Variants in SMC6 observed in about 807,000 individuals in gnomAD.
SMC6 encodes structural maintenance of chromosomes 6, also known as structural maintenance of chromosomes protein 6.
Under a neutral mutation model 142.2 loss-of-function variants are expected in SMC6, and 79 were observed. That is an observed-to-expected ratio of 0.56 (90% CI 0.46 to 0.67). The LOEUF is 0.67. SMC6 is among the 30% of genes least tolerant of loss of function. SMC6 has a pLI of 0.00. For synonymous variants in SMC6, 411 were observed against 412.4 expected, an observed-to-expected ratio of 1.00 and a Z score of 0.04; for missense variants, 1,072 against 1,284.0, an observed-to-expected ratio of 0.83 and a Z score of 2.52.
Position 17,695,246 on chromosome 2 carries a change from T to C in SMC6, c.2584A>G (p.Lys862Glu). The C allele has an allele frequency of 6.2e-7, 1 of 1,613,668 alleles. No individual in the cohort carries two copies. The highest frequency in any genetic ancestry group is 8.5e-7 in the Non-Finnish European group (1 of 1,179,816). Residue 862 changes from lysine to glutamate, a missense_variant, in exon 23 of 28, where the codon AAA (lysine) becomes GAA (glutamate). Lys to Glu is a moderately conservative substitution (Grantham distance 56). Coordinates refer to ENST00000448223, the MANE Select transcript of SMC6 (RefSeq NM_001142286.2). ...QICPERIEVE[K>E]SASILDKEIN... ...TCTTTGTCCAGAATTGATGCAGATT[T>C]TTCTACTTCTATACGCTCTGGGCAG... is the stretch of plus-strand genomic sequence containing the variant.
intron 23 of SMC6, among the ~76,000 whole-genome samples, chr2:17,689,893 T>C (rs968746888): frequency 3.3e-5 from 5 of 152,244 alleles, no homozygotes; most frequent in African/African-American, 1.2e-4. Context: ...TGTTTTTGAG[T>C]TTTTTCCCCC....
chr2:17,666,354 A>T, intron 27 of SMC6, 66 bp downstream of exon 27: 2 of 1,173,414 alleles, frequency 1.7e-6, no homozygotes, highest in East Asian at 5.1e-5. Flanking sequence ...AAAAATTAAA[A>T]TTGTAAAAGA....
intron 12 of SMC6, 35 bp from the exon 13 acceptor site, chr2:17,717,211 GA>G: frequency 1.3e-6 from 2 of 1,500,798 alleles, no homozygotes; most frequent in Non-Finnish European, 1.8e-6. Flanking sequence ...TTACAAAAAT[GA>G]AAACACAAAT....
At chr2:17,729,956 A>G (rs1287912180) in intron 7 of SMC6, among the ~76,000 whole-genome samples, 1 of 152,112 alleles carries the variant, frequency 6.6e-6, no homozygotes, top group Non-Finnish European at 1.5e-5. Flanking sequence ...TTCTAAACCA[A>G]ACTGGAAAAG....
chr2:17,712,749 T>C (rs1242180425), intron 16 of SMC6, among the ~76,000 whole-genome samples: 1 of 152,238 alleles, frequency 6.6e-6, no homozygotes, highest in Non-Finnish European at 1.5e-5. Flanking sequence ...GAACCATAAT[T>C]CATACCGAAA....
At chr2:17,731,998 G>T in intron 5 of SMC6, 121 bp from the exon 6 acceptor site, 1 of 941,030 alleles carries the variant, frequency 1.1e-6, no homozygotes, top group Non-Finnish European at 1.6e-6. Flanking sequence ...TTGCAAATTA[G>T]ATTTACATCA....
chr2:17,696,471 C>T lies in SMC6; in HGVS notation c.2395-45G>A, dbSNP rs774475719. The T allele has an allele frequency of 1.4e-5, 22 of 1,582,666 alleles. No individual in the cohort carries two copies. The South Asian group carries it at 2.3e-4, about 17-fold the overall frequency. Reference sequence around the variant, plus strand: ...ATAAAAGATTGTTTTAAAAAAATTTCCAGCATAGGTATAAAGATAATAAAC... The same window carrying T: ...ATAAAAGATTGTTTTAAAAAAATTTTCAGCATAGGTATAAAGATAATAAAC... On this transcript the variant is annotated intron_variant, in intron 21 of 27. Transcript: ENST00000448223.
chr2:17,723,501 CT>C lies in SMC6; in HGVS notation c.726+1755del, dbSNP rs571488428. Among the ~76,000 whole-genome samples the C allele has an allele frequency of 3.4e-4, 52 of 152,310 alleles. No individual in the cohort carries two copies. The South Asian group carries it at 6.4e-3, about 19-fold the overall frequency. ...CACACATGCTTTCTTGCCCCTGAGG[CT>C]TTAACCATGCTATCTCTTAGAACAT... is the stretch of plus-strand genomic sequence containing the variant. On this transcript the variant is annotated intron_variant, in intron 9 of 27. Coordinates refer to ENST00000448223, the MANE Select transcript of SMC6 (RefSeq NM_001142286.2).
intron 25 of SMC6, among the ~76,000 whole-genome samples, chr2:17,676,661 T>C (rs1445872575): frequency 6.6e-6 from 1 of 152,144 alleles, no homozygotes; most frequent in Admixed American, 6.6e-5. Context: ...TTAATAATAC[T>C]GAGTCTTCTG....
chr2:17,685,117 T>C (rs1373872271), intron 23 of SMC6, among the ~76,000 whole-genome samples: 1 of 102,538 alleles, frequency 9.8e-6, no homozygotes, highest in Admixed American at 8.7e-5. Flanking sequence ...AATGAGAAAA[T>C]CAAGCAAAAT....
chr2:17,691,444 G>T (rs114048127), intron 23 of SMC6, among the ~76,000 whole-genome samples: 7,776 of 116,392 alleles, frequency 0.067, 228 homozygotes, highest in Middle Eastern at 0.11. Context: ...AATAGTTGCC[G>T]TTTTGAACCA....
intron 17 of SMC6, among the ~76,000 whole-genome samples, chr2:17,708,113 A>G (rs1456619631): frequency 6.6e-6 from 1 of 152,066 alleles, no homozygotes; most frequent in Non-Finnish European, 1.5e-5. Context: ...ATAACGAGAC[A>G]ATATAAATCA....
chr2:17,688,692 G>A (rs1019312467), intron 23 of SMC6, among the ~76,000 whole-genome samples: 2 of 152,096 alleles, frequency 1.3e-5, no homozygotes, highest in Non-Finnish European at 2.9e-5. Flanking sequence ...AACTGTAACA[G>A]TAGAGAGAAA....
intron 7 of SMC6, among the ~76,000 whole-genome samples, chr2:17,726,987 T>C (rs549101751): frequency 6.6e-6 from 1 of 152,228 alleles, no homozygotes; most frequent in Non-Finnish European, 1.5e-5. Flanking sequence ...ACAAGTATTG[T>C]CTATTTTTCT....
At chr2:17,738,158 A>G in intron 5 of SMC6, 63 bp downstream of exon 5, 1 of 1,205,702 alleles carries the variant, frequency 8.3e-7, no homozygotes, top group South Asian at 1.3e-5. Flanking sequence ...GTGAACTGGG[A>G]ATCTAAAGTA....
intron 23 of SMC6, among the ~76,000 whole-genome samples, chr2:17,688,369 C>A (rs1217969524): frequency 6.6e-6 from 1 of 150,530 alleles, no homozygotes; most frequent in Admixed American, 6.6e-5. Flanking sequence ...CAGGAACCAG[C>A]TTGAAGAGCC....
intron 7 of SMC6, 91 bp from the exon 8 acceptor site, chr2:17,726,560 G>A (rs924581256): frequency 1.7e-5 from 17 of 1,023,818 alleles, no homozygotes; most frequent in Admixed American, 4.5e-5. Context: ...GTGACCTATG[G>A]TGCCATCAGG....
At chr2:17,751,647 C>A (rs1671046274) in intron 2 of SMC6, among the ~76,000 whole-genome samples, 1 of 152,164 alleles carries the variant, frequency 6.6e-6, no homozygotes, top group African/African-American at 2.4e-5. Flanking sequence ...CCAAGAAAAG[C>A]ATGCTCAGAG....
chr2:17,689,723 G>A (rs1260472274), intron 23 of SMC6, among the ~76,000 whole-genome samples: 1 of 152,154 alleles, frequency 6.6e-6, no homozygotes, highest in Non-Finnish European at 1.5e-5. Context: ...CATAGTATTT[G>A]CATATAACCT....
Sources: gnomAD v4.1 joint callset for allele counts (sites outside exome capture counted in the v4.1 genomes callset) on GRCh38, gnomAD v4.1.1 for gene constraint, MANE v1.5 for transcripts, NCBI Gene and HGNC (gene_info 2026-07-23, HGNC 2026-07-21) for gene names.